Variants in RHBDD1 observed in about 807,000 individuals in gnomAD.
RHBDD1 encodes the protein rhomboid domain containing 1, also known as rhomboid-related protein 4.
Under a neutral mutation model 36.3 loss-of-function variants are expected in RHBDD1, and 38 were observed. That is an observed-to-expected ratio of 1.05 (90% confidence interval 0.81 to 1.37). The LOEUF (loss-of-function observed/expected upper bound fraction) is 1.37, where lower values mean the gene tolerates loss of function less well. RHBDD1 is among the 40% of genes most tolerant of loss of function. The pLI is 0.00. For synonymous variants in RHBDD1, 151 were observed against 136.5 expected (o/e 1.11, Z -0.74); for missense variants, 393 against 377.6 (o/e 1.04, Z -0.34).
chr2:226,951,101 G>T (rs1418262933), intron 8 of RHBDD1, among the ~76,000 whole-genome samples: 1 of 152,090 alleles, frequency 6.6e-6, no homozygotes, highest in Non-Finnish European at 1.5e-5. Flanking sequence ...ACAGTTTCAG[G>T]TCTTATGTTT....
intron 8 of RHBDD1, among the ~76,000 whole-genome samples, chr2:226,958,702 CTGTGTGTGTGTGTGTGTGTGTGTG>C (rs10666758): frequency 7.2e-6 from 1 of 138,826 alleles, no homozygotes; most frequent in Non-Finnish European, 1.5e-5. Context: ...AAGGATTTTT[CTGTGTGTGTGTGTGTGTGTGTGTG>C]TGTGTGTGTG....
chr2:226,988,237 T>C, intron 8 of RHBDD1: 1 of 1,118,556 alleles, frequency 8.9e-7, no homozygotes, highest in Non-Finnish European at 1.2e-6. Flanking sequence ...AAGCAAGAGG[T>C]TGGGAGTAGG....
At chr2:226,982,694 T>G (rs1405183770) in intron 8 of RHBDD1, among the ~76,000 whole-genome samples, 1 of 152,208 alleles carries the variant, frequency 6.6e-6, no homozygotes, top group African/African-American at 2.4e-5. Flanking sequence ...TCTCGGGATT[T>G]GAGAGCTATT....
the RHBDD1 span, among the ~76,000 whole-genome samples, chr2:226,818,754 G>A: frequency 2.6e-4 from 39 of 151,882 alleles, no homozygotes; most frequent in African/African-American, 6.3e-4. Context: ...CAGGAGAATC[G>A]CTTGAACCCG....
intron 3 of RHBDD1, among the ~76,000 whole-genome samples, chr2:226,852,548 A>G (rs1441569526): frequency 4.6e-5 from 7 of 152,042 alleles, no homozygotes; most frequent in Non-Finnish European, 5.9e-5. Context: ...CTCACAACCC[A>G]TAAGAGGGCC....
At chr2:226,955,924 T>G (rs1408503892) in intron 8 of RHBDD1, among the ~76,000 whole-genome samples, 3 of 152,178 alleles carry the variant, frequency 2.0e-5, no homozygotes, top group Non-Finnish European at 4.4e-5. Flanking sequence ...GGGGACATGA[T>G]TTAGTCCCTA....
At chr2:226,842,415 A>G (rs1228601948) in intron 3 of RHBDD1, among the ~76,000 whole-genome samples, 2 of 151,998 alleles carry the variant, frequency 1.3e-5, no homozygotes, top group African/African-American at 4.8e-5. Flanking sequence ...GGATTTTTAT[A>G]GTTTTGGGTT....
intron 5 of RHBDD1, among the ~76,000 whole-genome samples, chr2:226,886,300 G>A (rs2125444741): frequency 6.6e-6 from 1 of 152,252 alleles, no homozygotes; most frequent in Non-Finnish European, 1.5e-5. Context: ...CCAGCGTTTG[G>A]GGTGTCTGGC....
chr2:226,931,140 T>C (rs1950006198), intron 8 of RHBDD1, among the ~76,000 whole-genome samples: 1 of 152,078 alleles, frequency 6.6e-6, no homozygotes, highest in Non-Finnish European at 1.5e-5. Flanking sequence ...CCACTGATTA[T>C]CTACTCAAAG....
At chr2:226,941,489 G>A (rs755483824) in intron 8 of RHBDD1, among the ~76,000 whole-genome samples, 2 of 152,182 alleles carry the variant, frequency 1.3e-5, no homozygotes, top group East Asian at 1.9e-4. Flanking sequence ...TGTTATATGC[G>A]TGCTGTGATG....
In RHBDD1 at chr2:226,886,510, A is replaced by T. The variant is rs1946221049; in HGVS notation, c.566+19192A>T. Among the ~76,000 whole-genome samples the T allele has an allele frequency of 2.6e-5, 4 of 152,190 alleles. No individual in the cohort carries two copies. The South Asian group carries it at 8.3e-4, about 32-fold the overall frequency. Reference sequence around the variant, plus strand: ...AACGCGGCTGAGCAACTGGAGTAGGACAGTGGAAGCTCCTCCTGCAAGTGT... The same window carrying T: ...AACGCGGCTGAGCAACTGGAGTAGGTCAGTGGAAGCTCCTCCTGCAAGTGT... On this transcript the variant is annotated intron_variant, in intron 5 of 8. Transcript: ENST00000392062.
chr2:226,819,535 T>C, the RHBDD1 span, among the ~76,000 whole-genome samples: 1 of 152,192 alleles, frequency 6.6e-6, no homozygotes, highest in Non-Finnish European at 1.5e-5. Flanking sequence ...GTAACAAATA[T>C]ACCCTCTGAT....
At chr2:226,983,648 G>A (rs1208791105) in intron 8 of RHBDD1, among the ~76,000 whole-genome samples, 1 of 151,990 alleles carries the variant, frequency 6.6e-6, no homozygotes, top group Admixed American at 6.6e-5. Context: ...TTGAATGCTT[G>A]GGATGATGTT....
At chr2:226,836,471 A>G (rs1351760576) in intron 1 of RHBDD1, among the ~76,000 whole-genome samples, 1 of 152,248 alleles carries the variant, frequency 6.6e-6, no homozygotes, top group Non-Finnish European at 1.5e-5. Flanking sequence ...ATGCAGTTTC[A>G]GGTGCTCTCG....
intron 8 of RHBDD1, among the ~76,000 whole-genome samples, chr2:226,922,302 G>A (rs540518658): frequency 1.5e-4 from 23 of 149,208 alleles, no homozygotes; most frequent in African/African-American, 5.2e-4. Context: ...CCACCTCCCG[G>A]GTTCACGCCA....
At chr2:226,878,583 G>A (rs918501531) in intron 5 of RHBDD1, among the ~76,000 whole-genome samples, 11 of 152,214 alleles carry the variant, frequency 7.2e-5, no homozygotes, top group Admixed American at 6.5e-4. Flanking sequence ...AGGCTGTGAG[G>A]AAGAGGCCCA....
At chr2:226,973,992 G>A (rs976612791) in intron 8 of RHBDD1, among the ~76,000 whole-genome samples, 25 of 152,188 alleles carry the variant, frequency 1.6e-4, no homozygotes, top group Non-Finnish European at 3.2e-4. Flanking sequence ...TTGTGGGTAA[G>A]AGGCCCAGTG....
At chr2:226,884,985 G>A (rs1946090570) in intron 5 of RHBDD1, among the ~76,000 whole-genome samples, 1 of 152,054 alleles carries the variant, frequency 6.6e-6, no homozygotes, top group South Asian at 2.1e-4. Context: ...ACAATACTAA[G>A]TACAAGAAAA....
intron 3 of RHBDD1, among the ~76,000 whole-genome samples, chr2:226,843,767 A>G (rs369607607): frequency 5.9e-5 from 9 of 152,184 alleles, no homozygotes; most frequent in East Asian, 1.9e-4. Flanking sequence ...TTTTGGTATC[A>G]GCATAATGCT....
Sources: allele counts gnomAD v4.1 joint callset (sites outside exome capture counted in the v4.1 genomes callset), GRCh38; gene constraint gnomAD v4.1.1; transcripts MANE v1.5; gene names NCBI Gene and HGNC (gene_info 2026-07-23, HGNC 2026-07-21).